Variants in BABAM2 observed in about 807,000 individuals in gnomAD.
The protein encoded by BABAM2 is BRISC and BRCA1-A complex member 2.
A neutral mutation model predicts 54.7 loss-of-function variants in BABAM2; 31 were observed. The ratio of observed to expected loss-of-function variants is 0.57; its 90% confidence interval spans 0.43 to 0.77. BABAM2 has a LOEUF of 0.77. Among genes scored for constraint, BABAM2 ranks in the 30% least tolerant of loss-of-function variants. The pLI, the probability that BABAM2 is intolerant of heterozygous loss-of-function variation, is 0.00. For missense variants in BABAM2, 364 were observed against 455.8 expected (o/e 0.80, Z 1.83); for synonymous variants, 167 against 162.9 (o/e 1.03, Z -0.19).
intron 7 of BABAM2, among the ~76,000 whole-genome samples, chr2:28,220,071 A>G (rs1680259203): frequency 6.6e-6 from 1 of 152,222 alleles, no homozygotes; most frequent in Non-Finnish European, 1.5e-5. Flanking sequence ...ATTTTGTACC[A>G]AACAAGTTTG....
rs1360883175 is a variant in BABAM2, at chr2:28,196,321, C to CGTCTCAAAAAAA, written c.681-40881_681-40880insGTCTCAAAAAAA. Among the ~76,000 whole-genome samples, 15 of 107,550 alleles carry CGTCTCAAAAAAA rather than the reference C, an allele frequency of 1.4e-4. 3 individuals carry two copies. Among genetic ancestry groups the CGTCTCAAAAAAA allele is most frequent in the Non-Finnish European group, 3.2e-4 (13 of 40,930 alleles). The allele number at this position is 107,550 out of a possible 152,430, so 70.6% of individuals were successfully genotyped here. A position where few individuals can be genotyped will look rare whatever the true frequency, so the allele number is the denominator to read the frequency against. The stretch of plus-strand genomic sequence containing the variant: ...CAGCCTGGGCAACAGAGCAAGACTC[C>CGTCTCAAAAAAA]ATATAAAAAAAAAATGAATTTTTTA... On this transcript the variant is annotated intron_variant, in intron 7 of 11. Coordinates refer to ENST00000379624, the MANE Select transcript of BABAM2 (RefSeq NM_199191.3).
chr2:28,240,115 T>C (rs915148876), intron 8 of BABAM2, among the ~76,000 whole-genome samples: 1 of 152,044 alleles, frequency 6.6e-6, no homozygotes, highest in African/African-American at 2.4e-5. Context: ...TTTTCTTTTT[T>C]TTTTTTTAAG....
At chr2:28,261,155 T>C (rs1351795130) in intron 10 of BABAM2, among the ~76,000 whole-genome samples, 1 of 152,034 alleles carries the variant, frequency 6.6e-6, no homozygotes, top group Non-Finnish European at 1.5e-5. Context: ...ATGGTCAGAC[T>C]GGTCTCAAAC....
At chr2:28,116,703 C>G (rs1344576164) in intron 6 of BABAM2, among the ~76,000 whole-genome samples, 1 of 152,176 alleles carries the variant, frequency 6.6e-6, no homozygotes, top group Non-Finnish European at 1.5e-5. Flanking sequence ...AAAAGGATAT[C>G]AGACCAAGAG....
intron 7 of BABAM2, among the ~76,000 whole-genome samples, chr2:28,136,504 C>T (rs1234682485): frequency 1.3e-5 from 2 of 152,260 alleles, no homozygotes; most frequent in African/African-American, 2.4e-5. Context: ...AGCTGTGACA[C>T]TATGTGCATG....
intron 7 of BABAM2, among the ~76,000 whole-genome samples, chr2:28,176,586 A>AAAAAAAAC (rs1674991034): frequency 6.9e-6 from 1 of 144,670 alleles, no homozygotes; most frequent in Non-Finnish European, 1.5e-5. Context: ...AAAAAAAAAA[A>AAAAAAAAC]AAAAAAAAAA....
intron 7 of BABAM2, among the ~76,000 whole-genome samples, chr2:28,228,412 G>A (rs1257549586): frequency 2.6e-5 from 4 of 152,136 alleles, no homozygotes; most frequent in Non-Finnish European, 4.4e-5. Flanking sequence ...ATGTTTGTAG[G>A]TTAGTCTAGG....
intron 2 of BABAM2, among the ~76,000 whole-genome samples, chr2:27,912,354 C>G (rs1481313843): frequency 6.6e-6 from 1 of 151,820 alleles, no homozygotes. Flanking sequence ...GGCATAATTT[C>G]TTACAGCACA....
intron 7 of BABAM2, among the ~76,000 whole-genome samples, chr2:28,219,917 A>C (rs557964873): frequency 6.6e-6 from 1 of 152,302 alleles, no homozygotes; most frequent in African/African-American, 2.4e-5. Flanking sequence ...TTTGGTGAGA[A>C]AAATCAGGGC....
chr2:27,996,123 T>A (rs1673126991), intron 4 of BABAM2, among the ~76,000 whole-genome samples: 1 of 152,218 alleles, frequency 6.6e-6, no homozygotes, highest in African/African-American at 2.4e-5. Flanking sequence ...TTATCCATCA[T>A]GTGGTTCTGT....
chr2:28,299,844 C>T (rs1687972706), intron 11 of BABAM2, among the ~76,000 whole-genome samples: 1 of 152,196 alleles, frequency 6.6e-6, no homozygotes, highest in Admixed American at 6.5e-5. Flanking sequence ...CCCAGAGAGA[C>T]CCCATTCCCT....
rs181484700 is a variant in BABAM2, at chr2:28,066,263, C to T, written c.570+20464C>T. On this transcript the variant is annotated intron_variant, in intron 6 of 11. Transcript: ENST00000379624. ...ACTTAGGCATTGTATTCTATGCTGACGTATATATGTTGGTAAATATGATAA... is the reference window on the plus strand; with the variant it reads ...ACTTAGGCATTGTATTCTATGCTGATGTATATATGTTGGTAAATATGATAA... Among the ~76,000 whole-genome samples the T allele has an allele frequency of 6.6e-5, 10 of 151,920 alleles. No homozygotes were observed. In the East Asian group the frequency reaches 1.7e-3, roughly 26 times the overall value.
chr2:28,162,235 C>T (rs926623739), intron 7 of BABAM2, among the ~76,000 whole-genome samples: 2 of 152,116 alleles, frequency 1.3e-5, no homozygotes, highest in South Asian at 2.1e-4. Context: ...GGCCCTGCAG[C>T]GCATACCTCA....
intron 7 of BABAM2, among the ~76,000 whole-genome samples, chr2:28,177,043 A>G (rs1421032997): frequency 6.6e-6 from 1 of 152,150 alleles, no homozygotes; most frequent in Non-Finnish European, 1.5e-5. Context: ...AGACATTCAA[A>G]TAACAAGAAG....
intron 6 of BABAM2, among the ~76,000 whole-genome samples, chr2:28,059,891 T>C (rs1678723277): frequency 6.6e-6 from 1 of 152,196 alleles, no homozygotes; most frequent in Non-Finnish European, 1.5e-5. Flanking sequence ...ATGAAAACTT[T>C]AGGCACAGAT....
chr2:27,941,960 A>G (rs1209809734), intron 3 of BABAM2, among the ~76,000 whole-genome samples: 1 of 152,202 alleles, frequency 6.6e-6, no homozygotes, highest in Admixed American at 6.5e-5. Context: ...TGGAGCTTCT[A>G]CTTTAATGAA....
chr2:28,338,878 C>T lies in BABAM2; in HGVS notation c.*365C>T, dbSNP rs1691702585. On this transcript the variant is annotated 3_prime_UTR_variant, in exon 12 of 12. Coordinates refer to ENST00000379624, the MANE Select transcript of BABAM2 (RefSeq NM_199191.3). Reference sequence around the variant, plus strand: ...ACCTCTTAAGTTCTAAGATTAAATGCCCCTCGCTGTTCTTCCTCTGAAACT... The same window carrying T: ...ACCTCTTAAGTTCTAAGATTAAATGTCCCTCGCTGTTCTTCCTCTGAAACT... The T allele has an allele frequency of 8.2e-6, 2 of 242,818 alleles. No individual in the cohort carries two copies. Among genetic ancestry groups the T allele is most frequent in the Admixed American group, 5.2e-5 (1 of 19,138 alleles). 15.0% of individuals were successfully genotyped at this position (242,818 alleles called of 1,614,324 possible).
chr2:28,244,346 G>T (rs1244556997), intron 9 of BABAM2, among the ~76,000 whole-genome samples: 2 of 152,132 alleles, frequency 1.3e-5, no homozygotes, highest in Non-Finnish European at 2.9e-5. Context: ...CACTGTACAG[G>T]TAGTATGCTG....
intron 7 of BABAM2, among the ~76,000 whole-genome samples, chr2:28,147,680 A>G (rs1671625888): frequency 1.3e-5 from 2 of 152,090 alleles, no homozygotes; most frequent in Admixed American, 1.3e-4. Context: ...TCACTGTGTT[A>G]GCCAGGATGG....
Sources: gnomAD v4.1 joint callset for allele counts (sites outside exome capture counted in the v4.1 genomes callset) on GRCh38, gnomAD v4.1.1 for gene constraint, MANE v1.5 for transcripts, NCBI Gene and HGNC (gene_info 2026-07-23, HGNC 2026-07-21) for gene names.